The following KCTD8 variants were observed in gnomAD, a reference collection of about 807,000 sequenced individuals.
KCTD8 encodes BTB/POZ domain-containing protein KCTD8.
KCTD8 carries 27 observed loss-of-function variants against 31.5 expected under a neutral mutation model. That is an observed-to-expected ratio of 0.86 (90% CI 0.63 to 1.18). The LOEUF is 1.18. KCTD8 is among the 50% of genes most tolerant of loss of function. The pLI is 0.00. For synonymous variants in KCTD8, 290 were observed against 280.0 expected (o/e 1.04, Z -0.36); for missense variants, 658 against 647.7 (o/e 1.02, Z -0.17).
chr4:44,413,134 C>G lies in KCTD8; in HGVS notation c.961+34429G>C, dbSNP rs74797947. Among the ~76,000 whole-genome samples the G allele has an allele frequency of 3.2e-3, 481 of 152,228 alleles. 3 individuals are homozygous for G. The highest frequency in any genetic ancestry group is 5.6e-3 in the Non-Finnish European group (383 of 67,996). On this transcript the variant is annotated intron_variant, in intron 1 of 1. Coordinates refer to ENST00000360029, the MANE Select transcript of KCTD8 (RefSeq NM_198353.3). ...CTATTTTAACAGAATGTATTATATT[C>G]TATCACATCAGTGCCCACATATTGC...
chr4:44,436,079 G>A (rs897522371), intron 1 of KCTD8, among the ~76,000 whole-genome samples: 1 of 152,038 alleles, frequency 6.6e-6, no homozygotes, highest in Non-Finnish European at 1.5e-5. Context: ...TGTTTGATGC[G>A]AAGTTACAAT....
chr4:44,212,063 T>C (rs1714498146), intron 1 of KCTD8, among the ~76,000 whole-genome samples: 1 of 152,158 alleles, frequency 6.6e-6, no homozygotes, highest in African/African-American at 2.4e-5. Context: ...GGAATTGCCA[T>C]GGGATAGAGA....
rs1325215343 is a variant in KCTD8, at chr4:44,174,246, T to G, written c.*544A>C. ...ATTTTTTTTTGCTTTTTTTTGTAAT[T>G]TTTTTCTTTCCAAGCAACAAACAGA... On this transcript the variant is annotated 3_prime_UTR_variant, in exon 2 of 2. Transcript: ENST00000360029. The G allele has an allele frequency of 6.6e-6, 1 of 152,608 alleles. No individual in the cohort carries two copies. Among genetic ancestry groups the G allele is most frequent in the Admixed American group, 6.5e-5 (1 of 15,268 alleles). The allele number at this position is 152,608 out of a possible 1,614,324, so 9.5% of individuals were successfully genotyped here. A position where few individuals can be genotyped will look rare whatever the true frequency, so the allele number is the denominator to read the frequency against.
At position 44,183,950 on chromosome 4, in the gene KCTD8, G is replaced by A. The variant is rs186411664; in HGVS notation, c.962-8700C>T. Among the ~76,000 whole-genome samples the A allele has an allele frequency of 4.7e-3, 708 of 152,230 alleles. 17 individuals are homozygous for A. Among genetic ancestry groups the A allele is most frequent in the Admixed American group, 0.041 (632 of 15,284 alleles). The stretch of plus-strand genomic sequence containing the variant: ...TCTATCTTAAATATTAGCACCACAC[G>A]CTTCTAAATATTAAGCACTTGAGTC... On this transcript the variant is annotated intron_variant, in intron 1 of 1. Coordinates refer to ENST00000360029, the MANE Select transcript of KCTD8 (RefSeq NM_198353.3).
At chr4:44,341,604 T>C (rs1718900153) in intron 1 of KCTD8, among the ~76,000 whole-genome samples, 1 of 152,232 alleles carries the variant, frequency 6.6e-6, no homozygotes, top group East Asian at 1.9e-4. Flanking sequence ...AAGAAACCAC[T>C]TTCCTTCCTT....
At chr4:44,415,958 C>CATAG (rs2109467188) in intron 1 of KCTD8, among the ~76,000 whole-genome samples, 1 of 152,260 alleles carries the variant, frequency 6.6e-6, no homozygotes, top group African/African-American at 2.4e-5. Context: ...GAATAGTAGC[C>CATAG]ATAGATAGCT....
At chr4:44,376,009 T>C (rs1340228883) in intron 1 of KCTD8, among the ~76,000 whole-genome samples, 2 of 152,080 alleles carry the variant, frequency 1.3e-5, no homozygotes, top group East Asian at 3.9e-4. Flanking sequence ...GGGGAGTGAT[T>C]ATGTGGTTGG....
intron 1 of KCTD8, among the ~76,000 whole-genome samples, chr4:44,340,109 A>T (rs1376380381): frequency 6.6e-6 from 1 of 151,828 alleles, no homozygotes; most frequent in African/African-American, 2.4e-5. Flanking sequence ...AGAAACAGAA[A>T]CTCCTATATG....
At chr4:44,409,437 C>T (rs1161785612) in intron 1 of KCTD8, among the ~76,000 whole-genome samples, 1 of 151,988 alleles carries the variant, frequency 6.6e-6, no homozygotes, top group Non-Finnish European at 1.5e-5. Flanking sequence ...GAAAAACCAG[C>T]CCCAGACTCG....
intron 1 of KCTD8, among the ~76,000 whole-genome samples, chr4:44,212,930 T>TTTTGTTTG (rs1005865657): frequency 2.0e-5 from 3 of 152,060 alleles, no homozygotes; most frequent in Non-Finnish European, 2.9e-5. Context: ...GTCTTTGTTT[T>TTTTGTTTG]TTTGTTTGTT....
chr4:44,246,002 T>G (rs1715654885), intron 1 of KCTD8, among the ~76,000 whole-genome samples: 1 of 152,060 alleles, frequency 6.6e-6, no homozygotes. Flanking sequence ...GAAACAATCT[T>G]CTATTAGTTA....
At chr4:44,416,121 A>T (rs1210000945) in intron 1 of KCTD8, among the ~76,000 whole-genome samples, 1 of 152,200 alleles carries the variant, frequency 6.6e-6, no homozygotes. Flanking sequence ...GAGTCAAAGG[A>T]GATTATTTTC....
chr4:44,374,226 T>G (rs1384889777), intron 1 of KCTD8, among the ~76,000 whole-genome samples: 1 of 152,206 alleles, frequency 6.6e-6, no homozygotes, highest in Non-Finnish European at 1.5e-5. Context: ...GATGTGCTTG[T>G]TGAATGGAAA....
At chr4:44,307,025 G>A (rs1165716661) in intron 1 of KCTD8, among the ~76,000 whole-genome samples, 2 of 151,992 alleles carry the variant, frequency 1.3e-5, no homozygotes, top group Non-Finnish European at 2.9e-5. Flanking sequence ...CATCCAATAT[G>A]TAATTAATTG....
chr4:44,214,645 G>A (rs1714596288), intron 1 of KCTD8, among the ~76,000 whole-genome samples: 1 of 152,172 alleles, frequency 6.6e-6, no homozygotes, highest in African/African-American at 2.4e-5. Flanking sequence ...TGACCTAACT[G>A]ACCCCATGTT....
At chr4:44,270,652 CA>C (rs1161696668) in intron 1 of KCTD8, among the ~76,000 whole-genome samples, 1 of 152,084 alleles carries the variant, frequency 6.6e-6, no homozygotes, top group East Asian at 1.9e-4. Flanking sequence ...AATTCTGTTG[CA>C]AAAAATATAG....
intron 1 of KCTD8, among the ~76,000 whole-genome samples, chr4:44,241,781 C>G (rs1715463064): frequency 6.6e-6 from 1 of 152,144 alleles, no homozygotes; most frequent in South Asian, 2.1e-4. Context: ...TAAAATGTCA[C>G]CAACCCTCTG....
chr4:44,220,839 A>G (rs1450414307), intron 1 of KCTD8, among the ~76,000 whole-genome samples: 1 of 152,212 alleles, frequency 6.6e-6, no homozygotes, highest in Non-Finnish European at 1.5e-5. Flanking sequence ...AATTGTTTTC[A>G]GTGGAAAGGT....
chr4:44,403,001 A>G (rs1050549459), intron 1 of KCTD8, among the ~76,000 whole-genome samples: 3 of 152,212 alleles, frequency 2.0e-5, no homozygotes, highest in Admixed American at 2.0e-4. Flanking sequence ...AGTGGAAGAG[A>G]AACAAGGTTG....
Sources: gnomAD v4.1 joint callset for allele counts (sites outside exome capture counted in the v4.1 genomes callset) on GRCh38, gnomAD v4.1.1 for gene constraint, MANE v1.5 for transcripts, NCBI Gene and HGNC (gene_info 2026-07-23, HGNC 2026-07-21) for gene names.